Variants in BACH2 observed in about 807,000 individuals in gnomAD.
BACH2 encodes the protein transcription regulator protein BACH2.
In BACH2, 5 loss-of-function variants were observed where a neutral mutation model predicts 61.8. That is an observed-to-expected ratio of 0.08 (90% CI 0.04 to 0.17). BACH2 has a LOEUF of 0.17. Among genes scored for constraint, BACH2 ranks in the 10% least tolerant of loss-of-function variants. BACH2 has a pLI of 1.00. For synonymous variants in BACH2, 446 were observed against 440.1 expected, an observed-to-expected ratio of 1.01 and a Z score of -0.17; for missense variants, 824 against 1,091.1, an observed-to-expected ratio of 0.76 and a Z score of 3.45.
At chr6:90,191,510 G>T (rs1000749408) in intron 4 of BACH2, among the ~76,000 whole-genome samples, 4 of 152,118 alleles carry the variant, frequency 2.6e-5, no homozygotes, top group African/African-American at 7.2e-5. Flanking sequence ...AATATATTTC[G>T]AATTCAATTC....
chr6:90,058,213 T>C (rs1040247680), intron 5 of BACH2, among the ~76,000 whole-genome samples: 3 of 152,150 alleles, frequency 2.0e-5, no homozygotes, highest in Non-Finnish European at 2.9e-5. Flanking sequence ...TGACTGTATA[T>C]CTAGAAAACC....
chr6:90,122,597 A>G (rs1168701227), intron 4 of BACH2, among the ~76,000 whole-genome samples: 1 of 152,234 alleles, frequency 6.6e-6, no homozygotes, highest in Non-Finnish European at 1.5e-5. Context: ...TTTTAAAAAA[A>G]TTTCTACTGA....
intron 6 of BACH2, among the ~76,000 whole-genome samples, chr6:89,958,819 C>T (rs1206030550): frequency 3.3e-5 from 5 of 152,098 alleles, no homozygotes; most frequent in East Asian, 1.9e-4. Flanking sequence ...CATCATCTTC[C>T]GGCTTTTCCT....
In BACH2 at chr6:89,928,348, C is replaced by T. The variant is rs973741347; in HGVS notation, c.*4060G>A. 1.3e-5 allele frequency: 2 copies of T among 152,306 alleles called. No individual in the cohort carries two copies. The highest frequency in any genetic ancestry group is 1.3e-4 in the Admixed American group (2 of 15,278). The allele number at this position is 152,306 out of a possible 1,614,324, so 9.4% of individuals were successfully genotyped here. ...TGAGAAAGCTTTGCAGGCAGCTCTT[C>T]CTCATTTTGAGAGGATTATGCTACT... On this transcript the variant is annotated 3_prime_UTR_variant, in exon 9 of 9. Transcript: ENST00000257749.
intron 8 of BACH2, among the ~76,000 whole-genome samples, chr6:89,935,560 A>G (rs139184319): frequency 5.9e-5 from 9 of 152,386 alleles, no homozygotes; most frequent in African/African-American, 2.2e-4. Flanking sequence ...TCACAGACGT[A>G]CACTGATGAA....
intron 5 of BACH2, 123 bp downstream of exon 5, chr6:90,088,838 C>G (rs1782037567): frequency 1.3e-5 from 2 of 152,144 alleles, no homozygotes; most frequent in African/African-American, 4.8e-5. Context: ...TCAATGATAA[C>G]TCTCCAGCTC....
At chr6:90,205,074 C>G (rs1236307997) in intron 4 of BACH2, among the ~76,000 whole-genome samples, 2 of 152,092 alleles carry the variant, frequency 1.3e-5, no homozygotes, top group Admixed American at 1.3e-4. Context: ...CCAGCTTTCT[C>G]CCACCCCTGA....
At chr6:90,018,587 T>A (rs949312003) in intron 5 of BACH2, among the ~76,000 whole-genome samples, 1 of 152,202 alleles carries the variant, frequency 6.6e-6, no homozygotes, top group Non-Finnish European at 1.5e-5. Flanking sequence ...GTAAAAGCCA[T>A]AGGTTTATTT....
In BACH2 at chr6:90,211,126, C is replaced by CAAAAA. The variant is rs3072672; in HGVS notation, c.-274-4450_-274-4446dup. ...TGGGTGACAGAGGGAGACTCCATCT[C>CAAAAA]AAAAAAAAAAAAAAAAAAAAAAAGG... On this transcript the variant is annotated intron_variant, in intron 3 of 8. Transcript: ENST00000257749. Among the ~76,000 whole-genome samples, 166 of 45,258 alleles carry CAAAAA rather than the reference C, an allele frequency of 3.7e-3. 5 individuals are homozygous for CAAAAA. Among genetic ancestry groups the CAAAAA allele is most frequent in the Middle Eastern group, 0.013 (1 of 78 alleles). The allele number at this position is 45,258 out of a possible 152,430, so 29.7% of individuals were successfully genotyped here.
intron 1 of BACH2, among the ~76,000 whole-genome samples, chr6:90,275,758 C>G (rs1324913813): frequency 6.6e-6 from 1 of 152,206 alleles, no homozygotes; most frequent in South Asian, 2.1e-4. Flanking sequence ...GCCTGAACAT[C>G]TGAGGTCAGA....
Position 89,938,113 on chromosome 6 carries a change from GTTGCTGATCACAA to G in BACH2, c.2043+18_2043+30del, listed in dbSNP as rs1470362439. ...TTTACATTAGTCCTGGTCACTTCAG[GTTGCTGATCACAA>G]TGGATGGGTCAACTCACCAATTTGC... On this transcript the variant is annotated intron_variant, in intron 8 of 8. Coordinates refer to ENST00000257749, the MANE Select transcript of BACH2 (RefSeq NM_021813.4). 1 of 1,594,014 alleles carries G rather than the reference GTTGCTGATCACAA, an allele frequency of 6.3e-7. No individual in the cohort carries two copies. Among genetic ancestry groups the G allele is most frequent in the Admixed American group, 1.7e-5 (1 of 59,742 alleles).
At chr6:90,097,055 C>T (rs1006330786) in intron 4 of BACH2, among the ~76,000 whole-genome samples, 1 of 152,196 alleles carries the variant, frequency 6.6e-6, no homozygotes, top group Admixed American at 6.5e-5. Context: ...GCACCAGGCT[C>T]TTTCCCAGCC....
At chr6:90,031,053 C>T (rs9451322) in intron 5 of BACH2, among the ~76,000 whole-genome samples, 55,092 of 140,142 alleles carry the variant, frequency 0.39, 12,740 homozygotes, top group East Asian at 0.8. Flanking sequence ...GTTCAACATA[C>T]GCAAATCAAT....
chr6:90,124,433 T>A lies in BACH2; in HGVS notation c.-161-35324A>T, dbSNP rs1582392942. On this transcript the variant is annotated intron_variant, in intron 4 of 8. Coordinates refer to ENST00000257749, the MANE Select transcript of BACH2 (RefSeq NM_021813.4). ...ACACTTTAACCTGCTACTCAGAGTG[T>A]GGTCCACAGACCAGCAGCATTGACA... 2.6e-5 allele frequency among the ~76,000 whole-genome samples: 4 copies of A among 152,344 alleles called. No individual in the cohort carries two copies. In the East Asian group the frequency reaches 7.7e-4, roughly 29 times the overall value.
intron 5 of BACH2, among the ~76,000 whole-genome samples, chr6:90,034,643 C>T (rs1779175496): frequency 6.6e-6 from 1 of 152,162 alleles, no homozygotes; most frequent in African/African-American, 2.4e-5. Context: ...TGCAGTGCCA[C>T]AATTCTCACA....
chr6:90,080,807 C>T, intron 5 of BACH2: 2 of 984,584 alleles, frequency 2.0e-6, no homozygotes, highest in African/African-American at 3.5e-5. Flanking sequence ...CTTTCATCGT[C>T]TGGTAGTTAG....
At chr6:89,958,782 G>A (rs778565008) in intron 6 of BACH2, among the ~76,000 whole-genome samples, 1 of 152,112 alleles carries the variant, frequency 6.6e-6, no homozygotes, top group African/African-American at 2.4e-5. Context: ...TTCAGAATAA[G>A]TAAAAGAAAG....
intron 7 of BACH2, among the ~76,000 whole-genome samples, chr6:89,940,623 T>G (rs1773366767): frequency 6.6e-6 from 1 of 152,224 alleles, no homozygotes; most frequent in Non-Finnish European, 1.5e-5. Flanking sequence ...CTGCTCCGGA[T>G]GAGCCAGCAG....
chr6:89,948,825 G>A (rs1422083557), intron 7 of BACH2, among the ~76,000 whole-genome samples: 1 of 152,140 alleles, frequency 6.6e-6, no homozygotes, highest in East Asian at 1.9e-4. Flanking sequence ...CAAACCTAAG[G>A]GGAGGTGGTA....
Sources: gnomAD v4.1 joint callset for allele counts (sites outside exome capture counted in the v4.1 genomes callset) on GRCh38, gnomAD v4.1.1 for gene constraint, MANE v1.5 for transcripts, NCBI Gene and HGNC (gene_info 2026-07-23, HGNC 2026-07-21) for gene names.